Variants in TTC19 observed in about 807,000 individuals in gnomAD.
TTC19 encodes the protein tetratricopeptide repeat protein 19, mitochondrial.
In TTC19, 38 loss-of-function variants were observed where a neutral mutation model predicts 49.5. The ratio of observed to expected loss-of-function variants is 0.77; its 90% CI spans 0.59 to 1.01. The LOEUF (loss-of-function observed/expected upper bound fraction) is 1.01, where lower values mean the gene tolerates loss of function less well. Among genes scored for constraint, TTC19 ranks in the 50% least tolerant of loss-of-function variants. TTC19 has a pLI of 0.00. For synonymous variants in TTC19, 204 were observed against 185.2 expected, an observed-to-expected ratio of 1.10 and a Z score of -0.83; for missense variants, 475 against 477.7, an observed-to-expected ratio of 0.99 and a Z score of 0.05.
At chr17:16,043,873 AT>A (rs2152110152) in intron 2 of TTC19, among the ~76,000 whole-genome samples, 1 of 152,300 alleles carries the variant, frequency 6.6e-6, no homozygotes, top group East Asian at 1.9e-4. Flanking sequence ...TAATAACAAT[AT>A]TTTTTGAAAA....
At chr17:16,025,716 AG>A (rs1269039379) in intron 8 of TTC19, among the ~76,000 whole-genome samples, 4 of 152,194 alleles carry the variant, frequency 2.6e-5, no homozygotes, top group Non-Finnish European at 2.9e-5. Context: ...CCTCCATCCG[AG>A]TAAGTTCTTA....
At chr17:16,032,448 G>A (rs2151760735), downstream of TTC19, 3 of 1,611,498 alleles carry the variant, frequency 1.9e-6, no homozygotes, top group Non-Finnish European at 2.5e-6. Flanking sequence ...CTGAGCATCC[G>A]CATAGTCAGA....
At chr17:16,009,537 A>G (rs1167788761) in intron 7 of TTC19, among the ~76,000 whole-genome samples, 2 of 152,160 alleles carry the variant, frequency 1.3e-5, no homozygotes, top group African/African-American at 4.8e-5. Context: ...TGTTAGATAG[A>G]GCAAGCTAAT....
intron 7 of TTC19, among the ~76,000 whole-genome samples, chr17:16,022,228 C>G (rs1176873962): frequency 6.6e-6 from 1 of 152,250 alleles, no homozygotes; most frequent in Non-Finnish European, 1.5e-5. Flanking sequence ...GCTGTGTCAA[C>G]TCACAGACTC....
At chr17:16,039,137 T>G in intron 2 of TTC19, 4 of 275,622 alleles carry the variant, frequency 1.5e-5, no homozygotes. Context: ...AACATTATAT[T>G]TGTGTTACAA....
intron 7 of TTC19, among the ~76,000 whole-genome samples, chr17:16,008,541 C>T (rs1211350688): frequency 1.3e-5 from 2 of 152,180 alleles, no homozygotes; most frequent in Non-Finnish European, 2.9e-5. Context: ...GTTTCAAGAC[C>T]TCAGTACCTT....
chr17:16,005,580 A>G (rs1200534821), intron 6 of TTC19, among the ~76,000 whole-genome samples: 1 of 152,242 alleles, frequency 6.6e-6, no homozygotes, highest in Non-Finnish European at 1.5e-5. Flanking sequence ...TGTAAAAAGC[A>G]GCAGTCAGTC....
chr17:16,028,409 TC>T lies in TTC19; in HGVS notation c.*889del, dbSNP rs1971659636. The T allele has an allele frequency of 4.4e-6, 2 of 454,020 alleles. No homozygotes were observed. Among genetic ancestry groups the T allele is most frequent in the Non-Finnish European group, 8.8e-6 (2 of 226,800 alleles). 28.1% of individuals were successfully genotyped at this position (454,020 alleles called of 1,614,324 possible). On this transcript the variant is annotated 3_prime_UTR_variant, in exon 10 of 10. Coordinates refer to ENST00000261647, the MANE Select transcript of TTC19 (RefSeq NM_017775.4). ...GCTGAACTACTGACCTGGATCTTAG[TC>T]CTAGCCTTTTTGCTTTTGCAATTTC...
intron 2 of TTC19, among the ~76,000 whole-genome samples, chr17:16,041,985 C>T (rs932056133): frequency 6.6e-6 from 1 of 152,122 alleles, no homozygotes; most frequent in South Asian, 2.1e-4. Flanking sequence ...ATGCCCGCCT[C>T]GGCCTCCCAA....
At chr17:16,024,826 G>A (rs542893826) in intron 7 of TTC19, 191 bp from the exon 8 acceptor site, 19 of 599,854 alleles carry the variant, frequency 3.2e-5, no homozygotes, top group South Asian at 6.0e-5. Flanking sequence ...ATTGATGTGC[G>A]GACTCTTAAT....
In TTC19 at chr17:16,029,310, T is replaced by A. The variant is rs1971749205; in HGVS notation, c.*1788T>A. Reference sequence around the variant, plus strand: ...TCATTTACACTGTTGTAAAATAAGGTACTGAAGCAAAAGGAGGACTGATCT... The same window carrying A: ...TCATTTACACTGTTGTAAAATAAGGAACTGAAGCAAAAGGAGGACTGATCT... On this transcript the variant is annotated 3_prime_UTR_variant, in exon 10 of 10. Coordinates refer to ENST00000261647, the MANE Select transcript of TTC19 (RefSeq NM_017775.4). 2.2e-6 allele frequency: 1 copy of A among 447,166 alleles called. No individual in the cohort carries two copies. The highest frequency in any genetic ancestry group is 4.5e-6 in the Non-Finnish European group (1 of 224,286). 27.7% of individuals were successfully genotyped at this position (447,166 alleles called of 1,614,324 possible).
At chr17:16,032,285 C>T, downstream of TTC19, 2 of 1,599,968 alleles carry the variant, frequency 1.3e-6, no homozygotes, top group Non-Finnish European at 1.7e-6. Flanking sequence ...GTTCCCCTCA[C>T]TTTGTGCAGT....
At chr17:16,025,252 A>G (rs1460239687) in intron 8 of TTC19, 81 bp downstream of exon 8, 5 of 1,466,252 alleles carry the variant, frequency 3.4e-6, no homozygotes, top group East Asian at 2.4e-5. Context: ...ACTCATTGGT[A>G]ACAGGATCAG....
chr17:16,000,180 GC>G lies in TTC19; in HGVS notation c.249del (p.Ala84LeufsTer17). 3 of 1,592,908 alleles carry G rather than the reference GC, an allele frequency of 1.9e-6. No individual in the cohort carries two copies. The highest frequency in any genetic ancestry group is 2.5e-6 in the Non-Finnish European group (3 of 1,178,160). ...EEEEQQGADG[A>X]AAEDGADEAE... is the part of the protein sequence containing the mutation. ...GGAGGAGCAGCAGGGAGCCGACGGG[GC>G]CGCTGCCGAGGACGGGGCGGACGAG... On this transcript the variant is annotated frameshift_variant, in exon 2 of 10. Coordinates refer to ENST00000261647, the MANE Select transcript of TTC19 (RefSeq NM_017775.4). LOFTEE classifies it high-confidence loss of function.
Position 16,027,531 on chromosome 17 carries a change from T to C in TTC19, c.*9T>C, listed in dbSNP as rs1272392132. ...ATTCTGTCAAGCTCTAAATCCATTTTTGTGTAGGGAGAATAATGTCTAGTA... is the reference window on the plus strand; with the variant it reads ...ATTCTGTCAAGCTCTAAATCCATTTCTGTGTAGGGAGAATAATGTCTAGTA... On this transcript the variant is annotated 3_prime_UTR_variant, in exon 10 of 10. Coordinates refer to ENST00000261647, the MANE Select transcript of TTC19 (RefSeq NM_017775.4). The C allele has an allele frequency of 3.1e-6, 5 of 1,613,852 alleles. No individual in the cohort carries two copies. Among genetic ancestry groups the C allele is most frequent in the East Asian group, 2.2e-5 (1 of 44,870 alleles).
chr17:16,037,457 A>G (rs528360140), intron 2 of TTC19, among the ~76,000 whole-genome samples: 10 of 152,294 alleles, frequency 6.6e-5, no homozygotes, highest in Middle Eastern at 3.4e-3. Context: ...ATTTAAAAGA[A>G]AGCCAGGATT....
chr17:16,039,867 T>C, intron 2 of TTC19: 1 of 497,322 alleles, frequency 2.0e-6, no homozygotes, highest in Admixed American at 3.3e-5. Context: ...CTTGGCTCAC[T>C]GCAACCTCCG....
chr17:16,037,541 A>C (rs1223826686), intron 2 of TTC19, among the ~76,000 whole-genome samples: 1 of 152,204 alleles, frequency 6.6e-6, no homozygotes, highest in East Asian at 1.9e-4. Flanking sequence ...AGGAACTGAA[A>C]TTTCTGGGAC....
intron 2 of TTC19, chr17:16,039,813 G>A (rs977105510): frequency 1.5e-6 from 1 of 656,374 alleles, no homozygotes. Flanking sequence ...TTTGGAGACA[G>A]AGTCTCTCTC....
Sources: gnomAD v4.1 joint callset for allele counts (sites outside exome capture counted in the v4.1 genomes callset) on GRCh38, gnomAD v4.1.1 for gene constraint, MANE v1.5 for transcripts, NCBI Gene and HGNC (gene_info 2026-07-23, HGNC 2026-07-21) for gene names.